The following PTPN4 variants were observed in gnomAD, a reference collection of about 807,000 sequenced individuals.
The protein encoded by PTPN4 is protein tyrosine phosphatase non-receptor type 4.
Under a neutral mutation model 135.5 loss-of-function variants are expected in PTPN4, and 49 were observed. That is an observed-to-expected ratio of 0.36 (90% CI 0.29 to 0.46). The LOEUF (loss-of-function observed/expected upper bound fraction) is 0.46. PTPN4 is among the 20% of genes least tolerant of loss of function. The pLI is 1.00. For missense variants in PTPN4, 860 were observed against 1,101.0 expected, an observed-to-expected ratio of 0.78 and a Z score of 3.10; for synonymous variants, 333 against 369.9, an observed-to-expected ratio of 0.90 and a Z score of 1.14.
chr2:119,761,222 A>G (rs566972716), intron 1 of PTPN4, among the ~76,000 whole-genome samples: 25 of 152,324 alleles, frequency 1.6e-4, no homozygotes, highest in Non-Finnish European at 3.1e-4. Context: ...ATATTTATGG[A>G]GAAAGATAAA....
At chr2:119,830,454 G>A (rs183889758) in intron 2 of PTPN4, among the ~76,000 whole-genome samples, 96 of 152,034 alleles carry the variant, frequency 6.3e-4, no homozygotes, top group Non-Finnish European at 9.1e-4. Context: ...CATGATACCT[G>A]GTGTAACACC....
At chr2:119,871,319 G>A (rs867081175) in intron 3 of PTPN4, among the ~76,000 whole-genome samples, 4 of 151,988 alleles carry the variant, frequency 2.6e-5, no homozygotes, top group Middle Eastern at 3.4e-3. Flanking sequence ...AAAAATTATT[G>A]TATGGAAGAA....
Position 119,969,520 on chromosome 2 carries a change from G to A in PTPN4, c.2694+1548G>A, listed in dbSNP as rs374752887. On this transcript the variant is annotated intron_variant, in intron 26 of 26. Coordinates refer to ENST00000263708, the MANE Select transcript of PTPN4 (RefSeq NM_002830.4). ...ATTGATTTTCCTTTTAAATAAAACCGCAGTACAATTATCAAGAAATGTAAT... is the reference window on the plus strand; with the variant it reads ...ATTGATTTTCCTTTTAAATAAAACCACAGTACAATTATCAAGAAATGTAAT... 9.4e-5 allele frequency among the ~76,000 whole-genome samples: 14 copies of A among 149,404 alleles called. No homozygotes were observed. The East Asian group carries it at 1.6e-3, about 17-fold the overall frequency.
At chr2:119,787,720 A>G (rs968660588) in intron 1 of PTPN4, among the ~76,000 whole-genome samples, 1 of 152,308 alleles carries the variant, frequency 6.6e-6, no homozygotes. Flanking sequence ...CAGTGTGGCA[A>G]TGAGGGGATT....
intron 1 of PTPN4, among the ~76,000 whole-genome samples, chr2:119,794,156 T>C (rs1054645857): frequency 2.0e-5 from 3 of 152,176 alleles, no homozygotes; most frequent in Admixed American, 2.0e-4. Context: ...CCAGATTTTT[T>C]TTTAACAGCT....
chr2:119,832,007 C>T (rs1305160858), intron 2 of PTPN4, among the ~76,000 whole-genome samples: 1 of 152,066 alleles, frequency 6.6e-6, no homozygotes, highest in Non-Finnish European at 1.5e-5. Flanking sequence ...CTTTGCCATT[C>T]TATGTGGTAT....
At chr2:119,766,263 G>A (rs1156816961) in intron 1 of PTPN4, among the ~76,000 whole-genome samples, 6 of 152,196 alleles carry the variant, frequency 3.9e-5, no homozygotes, top group Non-Finnish European at 8.8e-5. Flanking sequence ...GAGACTGTAA[G>A]TATTAGAAAG....
intron 13 of PTPN4, among the ~76,000 whole-genome samples, chr2:119,929,754 A>T (rs570564369): frequency 6.1e-4 from 93 of 152,084 alleles, no homozygotes; most frequent in Non-Finnish European, 1.2e-3. Context: ...AAATACATGA[A>T]GTTTGGTTTT....
Position 119,845,235 on chromosome 2 carries a change from AGAGGGAGAGGGG to A in PTPN4, c.139-17295_139-17284del, listed in dbSNP as rs1321607448. On this transcript the variant is annotated intron_variant, in intron 2 of 26. Transcript: ENST00000263708. ...TCCGCATGAGAGGGAGACCGTGGGG[AGAGGGAGAGGGG>A]GAGGGGGAGGGGGAGGGGGAGGGAG... Among the ~76,000 whole-genome samples the A allele has an allele frequency of 1.4e-3, 65 of 46,158 alleles. 1 individual carries two copies. Among genetic ancestry groups the A allele is most frequent in the South Asian group, 3.4e-3 (3 of 878 alleles). 30.3% of individuals were successfully genotyped at this position (46,158 alleles called of 152,430 possible).
intron 1 of PTPN4, among the ~76,000 whole-genome samples, chr2:119,770,664 T>C (rs1247908366): frequency 6.6e-6 from 1 of 152,200 alleles, no homozygotes; most frequent in Non-Finnish European, 1.5e-5. Flanking sequence ...TATAAAAAGC[T>C]GTCCCTTTCT....
Position 119,782,403 on chromosome 2 carries a change from A to G in PTPN4, c.-18+22019A>G, listed in dbSNP as rs1396923609. On this transcript the variant is annotated intron_variant, in intron 1 of 26. Transcript: ENST00000263708. ...CACTGCACTCTAGCCTGGGCGACAGAGCGAGACTCCGTCTAAAAAACGAAA... is the reference window on the plus strand; with the variant it reads ...CACTGCACTCTAGCCTGGGCGACAGGGCGAGACTCCGTCTAAAAAACGAAA... Among the ~76,000 whole-genome samples, 6 of 152,304 alleles carry G rather than the reference A, an allele frequency of 3.9e-5. No homozygotes were observed. In the East Asian group the frequency reaches 1.2e-3, roughly 29 times the overall value.
intron 2 of PTPN4, among the ~76,000 whole-genome samples, chr2:119,810,979 TC>T (rs1691563086): frequency 6.6e-6 from 1 of 152,160 alleles, no homozygotes; most frequent in African/African-American, 2.4e-5. Flanking sequence ...TTTTGGTATT[TC>T]CAAATTTTTC....
intron 2 of PTPN4, among the ~76,000 whole-genome samples, chr2:119,859,351 G>A (rs564860166): frequency 1.3e-5 from 2 of 152,266 alleles, no homozygotes; most frequent in Admixed American, 6.5e-5. Flanking sequence ...ATTTTGTTAC[G>A]AGACTTTGGA....
At chr2:119,886,748 A>C (rs902943590) in intron 9 of PTPN4, among the ~76,000 whole-genome samples, 21 of 152,210 alleles carry the variant, frequency 1.4e-4, no homozygotes, top group Non-Finnish European at 2.2e-4. Context: ...TTGTTGAAGT[A>C]CTCAAAGTTC....
intron 2 of PTPN4, among the ~76,000 whole-genome samples, chr2:119,818,904 C>T (rs544965912): frequency 1.3e-5 from 2 of 152,312 alleles, no homozygotes. Context: ...CTGGACCACA[C>T]CTTCTCAGAA....
intron 9 of PTPN4, among the ~76,000 whole-genome samples, chr2:119,890,436 A>G (rs1678224565): frequency 6.6e-6 from 1 of 152,164 alleles, no homozygotes; most frequent in Non-Finnish European, 1.5e-5. Context: ...TTTAAGCAAC[A>G]TATAGTTGAA....
chr2:119,960,783 A>C, intron 22 of PTPN4, 24 bp from the exon 23 acceptor site: 1 of 1,601,434 alleles, frequency 6.2e-7, no homozygotes, highest in Non-Finnish European at 8.5e-7. Flanking sequence ...AAAACATTTT[A>C]TTTTCATGCC....
intron 2 of PTPN4, among the ~76,000 whole-genome samples, chr2:119,842,858 T>TTG (rs34432793): frequency 0.041 from 6,230 of 150,514 alleles, 354 homozygotes; most frequent in African/African-American, 0.13. Context: ...ATGCTGTCAT[T>TTG]TGTGTGTGTG....
At chr2:119,971,477 T>TA (rs1285261128) in intron 26 of PTPN4, among the ~76,000 whole-genome samples, 1 of 152,210 alleles carries the variant, frequency 6.6e-6, no homozygotes, top group Non-Finnish European at 1.5e-5. Flanking sequence ...TTTGTATATA[T>TA]TTTTTGGAGA....
Sources: gnomAD v4.1 joint callset for allele counts (sites outside exome capture counted in the v4.1 genomes callset) on GRCh38, gnomAD v4.1.1 for gene constraint, MANE v1.5 for transcripts, NCBI Gene and HGNC (gene_info 2026-07-23, HGNC 2026-07-21) for gene names.